The following L3MBTL1 variants were observed in gnomAD, a reference collection of about 807,000 sequenced individuals.
The protein encoded by L3MBTL1 is L3MBTL histone methyl-lysine binding protein 1.
L3MBTL1 carries 75 observed loss-of-function variants against 105.3 expected under a neutral mutation model. The observed-to-expected ratio is 0.71, with a 90% CI of 0.59 to 0.86. The LOEUF is 0.86. L3MBTL1 is among the 40% of genes least tolerant of loss of function. The pLI is 0.00. For synonymous variants in L3MBTL1, 452 were observed against 436.2 expected (o/e 1.04, Z -0.45); for missense variants, 1,069 against 1,126.4 (o/e 0.95, Z 0.73).
intron 7 of L3MBTL1, among the ~76,000 whole-genome samples, chr20:43,524,738 A>G (rs1006642676): frequency 6.6e-6 from 1 of 152,058 alleles, no homozygotes; most frequent in Admixed American, 6.6e-5. Flanking sequence ...AAAATAGGCT[A>G]ATAGAACAAG....
Position 43,534,413 on chromosome 20 carries a change from G to C in L3MBTL1, c.1710+19G>C. 6.2e-7 allele frequency: 1 copy of C among 1,606,118 alleles called. No individual in the cohort carries two copies. The highest frequency in any genetic ancestry group is 1.3e-5 in the African/African-American group (1 of 74,892). ...GATAAAGGTGGCTCTGGGACCCTAG[G>C]GCTGGGAAGTGGACAGGCCAGTTGG... On this transcript the variant is annotated intron_variant, in intron 15 of 21. Coordinates refer to ENST00000418998, the MANE Select transcript of L3MBTL1 (RefSeq NM_001377303.1).
exon 19 of L3MBTL1, chr20:43,550,638 C>G (rs1406318765): frequency 6.6e-6 from 1 of 152,134 alleles, no homozygotes; most frequent in Non-Finnish European, 1.5e-5. Context: ...ATATTTTGGC[C>G]CCTGGCAGCC....
chr20:43,534,675 G>A (rs2019513790), intron 15 of L3MBTL1, 153 bp from the exon 16 acceptor site: 1 of 624,376 alleles, frequency 1.6e-6, no homozygotes, highest in East Asian at 2.7e-5. Context: ...CTTGGAAAAT[G>A]TGGTGGCCAA....
At position 43,533,330 on chromosome 20, in the gene L3MBTL1, C is replaced by A; in HGVS notation, c.1437-12C>A. ...GTTTCTCTTGGGACAGTGACATGTT[C>A]TTGGATTTCAGGTGTGATCCCAGCA... On this transcript the variant is annotated splice_polypyrimidine_tract_variant and intron_variant, in intron 12 of 21. Coordinates refer to ENST00000418998, the MANE Select transcript of L3MBTL1 (RefSeq NM_001377303.1). The A allele has an allele frequency of 1.2e-6, 2 of 1,612,650 alleles. No homozygotes were observed. Among genetic ancestry groups the A allele is most frequent in the Non-Finnish European group, 1.7e-6 (2 of 1,179,348 alleles).
chr20:43,513,329 A>G (rs1231457476), intron 1 of L3MBTL1, 147 bp from the exon 2 acceptor site: 3 of 739,116 alleles, frequency 4.1e-6, no homozygotes, highest in Non-Finnish European at 6.5e-6. Flanking sequence ...AAGACACCCT[A>G]CTCCCCACAG....
chr20:43,520,120 C>G (rs988355813), intron 7 of L3MBTL1, among the ~76,000 whole-genome samples: 1 of 152,080 alleles, frequency 6.6e-6, no homozygotes, highest in African/African-American at 2.4e-5. Flanking sequence ...TTCTGTATAC[C>G]AGATTTGCCT....
rs765428033 is a variant in L3MBTL1, at chr20:43,508,194, C to CTT, written c.-29+462_-29+463dup. Among the ~76,000 whole-genome samples the CTT allele has an allele frequency of 3.7e-4, 52 of 141,954 alleles. No homozygotes were observed. The South Asian group carries it at 5.6e-3, about 15-fold the overall frequency. 93.1% of individuals were successfully genotyped at this position (141,954 alleles called of 152,430 possible). Reference sequence around the variant, plus strand: ...TATGGAATTTTTTTTGTTTCTCTCTCTTTTTTTTTTTTTGGCCATAAAGAG... The same window carrying CTT: ...TATGGAATTTTTTTTGTTTCTCTCTCTTTTTTTTTTTTTTTGGCCATAAAGAG... On this transcript the variant is annotated intron_variant, in intron 1 of 21. Coordinates refer to ENST00000418998, the MANE Select transcript of L3MBTL1 (RefSeq NM_001377303.1).
chr20:43,535,890 A>G lies in L3MBTL1; in HGVS notation c.1879A>G (p.Arg627Gly). 7 of 1,613,302 alleles carry G rather than the reference A, an allele frequency of 4.3e-6. No homozygotes were observed. The highest frequency in any genetic ancestry group is 5.1e-6 in the Non-Finnish European group (6 of 1,179,662). The change falls in exon 17 of 22, where the codon AGG (arginine) becomes GGG (glycine). Residue 627 changes from arginine to glycine, a missense_variant. Transcript: ENST00000418998. ...TGGGGGCTGTCCCCCTCTCAGCTAT[A>G]GGAGCCTGCCCCACACTAGGACCTC... ...SPGGCPPLSYRSLPHTRTSKY... is the reference protein window; with the variant it reads ...SPGGCPPLSYGSLPHTRTSKY...
chr20:43,534,257 C>T (rs1176984372), intron 14 of L3MBTL1, 27 bp from the exon 15 acceptor site: 1 of 1,603,532 alleles, frequency 6.2e-7, no homozygotes, highest in Admixed American at 1.7e-5. Flanking sequence ...CTGCGCCTTG[C>T]CCTGAAGGCA....
chr20:43,547,913 C>CCT (rs1302568530), intron 18 of L3MBTL1, among the ~76,000 whole-genome samples: 1 of 152,166 alleles, frequency 6.6e-6, no homozygotes, highest in Non-Finnish European at 1.5e-5. Flanking sequence ...TTGCTGTCTT[C>CCT]CTTTTTTCCT....
At chr20:43,525,986 A>T (rs967695017) in intron 7 of L3MBTL1, among the ~76,000 whole-genome samples, 1 of 152,226 alleles carries the variant, frequency 6.6e-6, no homozygotes, top group African/African-American at 2.4e-5. Context: ...GTGAGCAAAT[A>T]TGAAGATAGT....
In L3MBTL1 at chr20:43,528,765, C is replaced by T. The variant is rs117332524; in HGVS notation, c.951+20C>T. 1,306 of 1,584,302 alleles carry T rather than the reference C, an allele frequency of 8.2e-4. 17 individuals carry two copies. In the East Asian group the frequency reaches 0.02, roughly 25 times the overall value. ...CAGGACGTGAGTTGGACAATTTCCC[C>T]GTAGGAACAGCTTGTCTTCCTAGCC... On this transcript the variant is annotated intron_variant, in intron 8 of 21. Coordinates refer to ENST00000418998, the MANE Select transcript of L3MBTL1 (RefSeq NM_001377303.1).
Position 43,530,415 on chromosome 20 carries a change from C to G in L3MBTL1, c.1188C>G (p.Pro396=). The G allele has an allele frequency of 1.2e-6, 2 of 1,614,008 alleles. No individual in the cohort carries two copies. The highest frequency in any genetic ancestry group is 1.7e-6 in the Non-Finnish European group (2 of 1,179,922). The change falls in exon 10 of 22, where the codon CCC becomes CCG. Residue 396 remains proline (P), a synonymous_variant. Coordinates refer to ENST00000418998, the MANE Select transcript of L3MBTL1 (RefSeq NM_001377303.1). ...AGACGGGCCACAAGCTGCAGCCTCC[C>G]AAAGGTAAGGCCTAGCTGGGTTGGT... ...FEKTGHKLQP[P]KGYKEEEFSW... is the part of the protein sequence containing the mutation.
intron 13 of L3MBTL1, 101 bp downstream of exon 13, chr20:43,533,519 G>A (rs2019449482): frequency 1.0e-6 from 1 of 970,722 alleles, no homozygotes; most frequent in Non-Finnish European, 1.5e-6. Context: ...GCTCTCTAGG[G>A]TCAGGGTGAG....
downstream of L3MBTL1, among the ~76,000 whole-genome samples, chr20:43,543,210 C>T (rs115095403): frequency 0.014 from 2,150 of 152,054 alleles, 56 homozygotes; most frequent in African/African-American, 0.049. Flanking sequence ...CTGTCATCTA[C>T]GATGTTAATA....
In L3MBTL1 at chr20:43,528,712, G is replaced by A; in HGVS notation, c.918G>A (p.Lys306=). The change falls in exon 8 of 22, where the codon AAG becomes AAA. Residue 306 remains lysine, a synonymous_variant. Coordinates refer to ENST00000418998, the MANE Select transcript of L3MBTL1 (RefSeq NM_001377303.1). ...GGGAGTCCTACCTAGAGGAGCAGAA[G>A]GCCATTACTGCTCCAGTCAGCCTCT... ...WSWESYLEEQ[K]AITAPVSLFQ... 3.1e-6 allele frequency: 5 copies of A among 1,613,978 alleles called. No individual in the cohort carries two copies. The highest frequency in any genetic ancestry group is 4.2e-6 in the Non-Finnish European group (5 of 1,179,826).
At position 43,516,114 on chromosome 20, in the gene L3MBTL1, G is replaced by T. The variant is rs761371264; in HGVS notation, c.799G>T (p.Asp267Tyr). ...EAMEKQEEGK[D>Y]PEGQPTASTP... is the part of the protein sequence containing the mutation. Reference sequence around the variant, plus strand: ...ACAGGAGAAGCAAGAAGAAGGAAAGGACCCAGAGGGACAACCCACTGCTAG... The same window carrying T: ...ACAGGAGAAGCAAGAAGAAGGAAAGTACCCAGAGGGACAACCCACTGCTAG... Residue 267 changes from aspartate to tyrosine, a missense_variant, in exon 7 of 22, where the codon GAC (aspartate) becomes TAC (tyrosine). Transcript: ENST00000418998. The T allele has an allele frequency of 5.6e-6, 9 of 1,613,888 alleles. No homozygotes were observed. The Admixed American group carries it at 1.0e-4, about 18-fold the overall frequency.
intron 1 of L3MBTL1, among the ~76,000 whole-genome samples, chr20:43,508,089 C>A (rs1444389990): frequency 6.6e-6 from 1 of 151,480 alleles, no homozygotes; most frequent in African/African-American, 2.4e-5. Context: ...GTGTGGAGGG[C>A]GGGGTTTTGG....
chr20:43,530,977 A>G, intron 11 of L3MBTL1, 88 bp downstream of exon 11: 1 of 1,042,280 alleles, frequency 9.6e-7, no homozygotes. Flanking sequence ...ATCAGAAGGG[A>G]GCTCATGTGC....
Sources: allele counts gnomAD v4.1 joint callset (sites outside exome capture counted in the v4.1 genomes callset), GRCh38; gene constraint gnomAD v4.1.1; transcripts MANE v1.5; gene names NCBI Gene and HGNC (gene_info 2026-07-23, HGNC 2026-07-21).